The following ASCL3 variants were observed in gnomAD, a reference collection of about 807,000 sequenced individuals.
ASCL3 encodes achaete-scute family bHLH transcription factor 3, also known as achaete-scute homolog 3.
ASCL3 carries 1 observed loss-of-function variant against 2.3 expected under a neutral mutation model. The observed-to-expected ratio is 0.44, with a 90% CI of 0.16 to 2.10. ASCL3 has a LOEUF of 2.10. ASCL3 is among the 30% of genes most tolerant of loss of function. The pLI is 0.28. For missense variants in ASCL3, 243 were observed against 229.0 expected (o/e 1.06, Z -0.40); for synonymous variants, 98 against 88.5 (o/e 1.11, Z -0.60).
At position 8,938,121 on chromosome 11, in the gene ASCL3, A is replaced by G. The variant is rs758083524; in HGVS notation, c.41T>C (p.Leu14Pro). Residue 14 changes from leucine to proline, a missense_variant, in exon 2 of 2, where the codon CTT becomes CCT. Transcript: ENST00000531618. Reference sequence around the variant, plus strand: ...GCGGGCAGAATCAGGGAAGATAGGAAGTTTGTCAGGTAGACTAGAGTTGCC... The same window carrying G: ...GCGGGCAGAATCAGGGAAGATAGGAGGTTTGTCAGGTAGACTAGAGTTGCC... ...NRGNSSLPDK[L>P]PIFPDSARLP... 1 of 1,611,772 alleles carries G rather than the reference A, an allele frequency of 6.2e-7. No homozygotes were observed. The highest frequency in any genetic ancestry group is 8.5e-7 in the Non-Finnish European group (1 of 1,178,510).
chr11:8,938,612 G>A (rs1005722122), intron 1 of ASCL3, among the ~76,000 whole-genome samples: 1 of 152,022 alleles, frequency 6.6e-6, no homozygotes, highest in Admixed American at 6.6e-5. Flanking sequence ...TGTGGACAAT[G>A]AGATGGTGTT....
intron 1 of ASCL3, among the ~76,000 whole-genome samples, chr11:8,938,529 G>C (rs1282199411): frequency 1.3e-5 from 2 of 151,926 alleles, no homozygotes; most frequent in Non-Finnish European, 2.9e-5. Flanking sequence ...GATTACAGGT[G>C]TGAGCCACCA....
chr11:8,942,310 C>T lies in ASCL3; in HGVS notation c.-13+676G>A, dbSNP rs1048697523. Among the ~76,000 whole-genome samples, 9 of 152,102 alleles carry T rather than the reference C, an allele frequency of 5.9e-5. No individual in the cohort carries two copies. In the East Asian group the frequency reaches 1.7e-3, roughly 29 times the overall value. On this transcript the variant is annotated intron_variant, in intron 1 of 1. Coordinates refer to ENST00000531618, the MANE Select transcript of ASCL3 (RefSeq NM_020646.3). ...ATTCAAAGAAGAAAATTTAAGGCAACAGAGTGAGAAAATGAAATAAAATGC... is the reference window on the plus strand; with the variant it reads ...ATTCAAAGAAGAAAATTTAAGGCAATAGAGTGAGAAAATGAAATAAAATGC...
intron 1 of ASCL3, among the ~76,000 whole-genome samples, chr11:8,941,441 G>A (rs1328839111): frequency 6.6e-6 from 1 of 151,908 alleles, no homozygotes; most frequent in Non-Finnish European, 1.5e-5. Context: ...CAAAAACTCA[G>A]CAGGCTGCAC....
chr11:8,941,111 G>C (rs1187486033), intron 1 of ASCL3, among the ~76,000 whole-genome samples: 1 of 152,004 alleles, frequency 6.6e-6, no homozygotes, highest in Non-Finnish European at 1.5e-5. Context: ...AGAAAACCTG[G>C]TTTATGTTTT....
chr11:8,938,722 T>C (rs192547048), intron 1 of ASCL3, among the ~76,000 whole-genome samples: 1 of 152,152 alleles, frequency 6.6e-6, no homozygotes, highest in East Asian at 1.9e-4. Flanking sequence ...CCTTCCGTTC[T>C]TTTTCAATCC....
chr11:8,940,395 A>T (rs941956679), intron 1 of ASCL3, among the ~76,000 whole-genome samples: 1 of 152,076 alleles, frequency 6.6e-6, no homozygotes, highest in Non-Finnish European at 1.5e-5. Context: ...TCCTGTTTTA[A>T]ACTACTGTTA....
chr11:8,937,938 G>A lies in ASCL3; in HGVS notation c.224C>T (p.Ser75Phe). ...GTAATTTGGATAAGGCATCGGGAAAGAGAAGGGGCAGGGTTCACTGTAATT... is the reference window on the plus strand; with the variant it reads ...GTAATTTGGATAAGGCATCGGGAAAAAGAAGGGGCAGGGTTCACTGTAATT... Reference protein sequence around the residue: ...LGNYSEPCPFSFPMPYPNYRG... With the variant: ...LGNYSEPCPFFFPMPYPNYRG... The change falls in exon 2 of 2, where the codon TCT becomes TTT. Residue 75 changes from serine to phenylalanine, a missense_variant. By Grantham distance (155) the Ser-to-Phe change is radical (BLOSUM62 -2). Transcript: ENST00000531618. 1 of 1,614,104 alleles carries A rather than the reference G, an allele frequency of 6.2e-7. No individual in the cohort carries two copies. The highest frequency in any genetic ancestry group is 8.5e-7 in the Non-Finnish European group (1 of 1,179,976).
chr11:8,940,141 CTT>C (rs11298380), intron 1 of ASCL3, among the ~76,000 whole-genome samples: 41 of 141,056 alleles, frequency 2.9e-4, no homozygotes, highest in East Asian at 4.1e-4. Flanking sequence ...CCATGCCTGG[CTT>C]TTTTTTTTTT....
Position 8,937,967 on chromosome 11 carries a change from C to T in ASCL3, c.195G>A (p.Leu65=), listed in dbSNP as rs965689950. 1.2e-6 allele frequency: 2 copies of T among 1,613,824 alleles called. No individual in the cohort carries two copies. The highest frequency in any genetic ancestry group is 1.7e-5 in the Admixed American group (1 of 59,982). ...RLPFPSDSLI[L]GNYSEPCPFS... ...AGGGGCAGGGTTCACTGTAATTTCC[C>T]AGGATAAGAGAGTCGCTGGGAAAAG... The change falls in exon 2 of 2, where the codon CTG becomes CTA. Residue 65 remains leucine, a synonymous_variant. Transcript: ENST00000531618.
intron 1 of ASCL3, among the ~76,000 whole-genome samples, chr11:8,938,908 A>G (rs1009566221): frequency 2.0e-5 from 3 of 150,886 alleles, no homozygotes; most frequent in Admixed American, 6.6e-5. Context: ...AGGTTCATCA[A>G]TCCTCCTGCC....
chr11:8,940,085 C>T (rs2653611), intron 1 of ASCL3, among the ~76,000 whole-genome samples: 42,917 of 151,588 alleles, frequency 0.28, 6,998 homozygotes, highest in South Asian at 0.44. Context: ...TCAAGTGATC[C>T]TCCTACCTCA....
At chr11:8,940,998 C>T (rs1402239499) in intron 1 of ASCL3, among the ~76,000 whole-genome samples, 1 of 152,126 alleles carries the variant, frequency 6.6e-6, no homozygotes, top group African/African-American at 2.4e-5. Context: ...CCCCCAGGTA[C>T]AGAGGAGTGA....
Position 8,941,340 on chromosome 11 carries a change from CAT to C in ASCL3, c.-13+1644_-13+1645del, listed in dbSNP as rs60509818. On this transcript the variant is annotated intron_variant, in intron 1 of 1. Coordinates refer to ENST00000531618, the MANE Select transcript of ASCL3 (RefSeq NM_020646.3). ...GCTTGGCATACTAAACACACACACA[CAT>C]ACACACACACACACACACACACACA... Among the ~76,000 whole-genome samples the C allele has an allele frequency of 1.1e-3, 95 of 85,898 alleles. 1 individual carries two copies. Among genetic ancestry groups the C allele is most frequent in the Middle Eastern group, 0.014 (2 of 142 alleles). 56.4% of individuals were successfully genotyped at this position (85,898 alleles called of 152,430 possible). A position where few individuals can be genotyped will look rare whatever the true frequency, so the allele number is the denominator to read the frequency against.
chr11:8,938,717 C>T lies in ASCL3; in HGVS notation c.-12-544G>A, dbSNP rs79688423. Reference sequence around the variant, plus strand: ...CCTTATGAGAAAGTTATTGTCCTTCCGTTCTTTTTCAATCCTTGTGGTTAT... The same window carrying T: ...CCTTATGAGAAAGTTATTGTCCTTCTGTTCTTTTTCAATCCTTGTGGTTAT... On this transcript the variant is annotated intron_variant, in intron 1 of 1. Coordinates refer to ENST00000531618, the MANE Select transcript of ASCL3 (RefSeq NM_020646.3). Among the ~76,000 whole-genome samples, 11 of 151,994 alleles carry T rather than the reference C, an allele frequency of 7.2e-5. No individual in the cohort carries two copies. The East Asian group carries it at 1.5e-3, about 21-fold the overall frequency.
At position 8,938,232 on chromosome 11, in the gene ASCL3, T is replaced by C; in HGVS notation, c.-12-59A>G. 9.1e-6 allele frequency: 12 copies of C among 1,325,564 alleles called. No individual in the cohort carries two copies. The South Asian group carries it at 1.7e-4, about 19-fold the overall frequency. The allele number at this position is 1,325,564 out of a possible 1,614,324, so 82.1% of individuals were successfully genotyped here. A position where few individuals can be genotyped will look rare whatever the true frequency, so the allele number is the denominator to read the frequency against. Reference sequence around the variant, plus strand: ...GATAGAGAGCAGATATGATCTACTTTCTTGGAGATCAATGTTTTATTTTAT... The same window carrying C: ...GATAGAGAGCAGATATGATCTACTTCCTTGGAGATCAATGTTTTATTTTAT... On this transcript the variant is annotated intron_variant, in intron 1 of 1. Transcript: ENST00000531618.
chr11:8,939,014 A>C (rs1420784964), intron 1 of ASCL3, among the ~76,000 whole-genome samples: 1 of 151,754 alleles, frequency 6.6e-6, no homozygotes, highest in Non-Finnish European at 1.5e-5. Context: ...CATGTTGCCC[A>C]GGCTGGTCTC....
In ASCL3 at chr11:8,938,073, T is replaced by G. The variant is rs1413564001; in HGVS notation, c.89A>C (p.Tyr30Ser). The change falls in exon 2 of 2, where the codon TAT becomes TCT. Residue 30 changes from tyrosine (Y) to serine (S), a missense_variant. By Grantham distance (144) the Tyr-to-Ser change is moderately radical (BLOSUM62 -2). Transcript: ENST00000531618. ...GTGGAAAGTGACCATGGGCTCCAGA[T>G]AGAAGGACCTGGTCAGTGGCAAGCG... The part of the protein sequence containing the change: ...SARLPLTRSF[Y>S]LEPMVTFHVH... The G allele has an allele frequency of 6.2e-7, 1 of 1,613,960 alleles. No homozygotes were observed. The highest frequency in any genetic ancestry group is 1.1e-5 in the South Asian group (1 of 91,080).
At chr11:8,939,103 G>A (rs1589939275) in intron 1 of ASCL3, among the ~76,000 whole-genome samples, 1 of 151,980 alleles carries the variant, frequency 6.6e-6, no homozygotes, top group East Asian at 1.9e-4. Flanking sequence ...ACCGTGCCTG[G>A]CCTAGAATGC....
Sources: gnomAD v4.1 joint callset for allele counts (sites outside exome capture counted in the v4.1 genomes callset) on GRCh38, gnomAD v4.1.1 for gene constraint, MANE v1.5 for transcripts, NCBI Gene and HGNC (gene_info 2026-07-23, HGNC 2026-07-21) for gene names.